PAX3: variants seen among roughly 807,000 people sequenced by gnomAD.
The protein encoded by PAX3 is paired box protein Pax-3.
In PAX3, 14 loss-of-function variants were observed where a neutral mutation model predicts 51.6. The ratio of observed to expected loss-of-function variants is 0.27; its 90% confidence interval spans 0.18 to 0.42. The LOEUF (loss-of-function observed/expected upper bound fraction) is 0.42, where lower values mean the gene tolerates loss of function less well. PAX3 is among the 10% of genes least tolerant of loss of function. PAX3 has a pLI of 1.00. For synonymous variants in PAX3, 280 were observed against 253.4 expected (o/e 1.11, Z -1.00); for missense variants, 540 against 642.8 (o/e 0.84, Z 1.73).
chr2:222,230,333 G>A (rs947806163), intron 5 of PAX3, among the ~76,000 whole-genome samples: 1 of 146,296 alleles, frequency 6.8e-6, no homozygotes, highest in African/African-American at 2.5e-5. Flanking sequence ...AACACTGCAT[G>A]TTCTCACTCA....
At position 222,296,980 on chromosome 2, in the gene PAX3, T is replaced by C; in HGVS notation, c.319A>G (p.Lys107Glu). Residue 107 changes from lysine (K) to glutamate (E), a missense_variant and splice_region_variant, in exon 2 of 9, where the codon AAG becomes GAG. Lys to Glu is a moderately conservative substitution (Grantham distance 56). This residue lies in a region of PAX3 where 50 missense variants were observed against 109.3 expected (regional missense o/e 0.46). Coordinates refer to ENST00000392070, the MANE Select transcript of PAX3 (RefSeq NM_181458.4). Reference protein sequence around the residue: ...RPGAIGGSKPKQVTTPDVEKK... With the variant: ...RPGAIGGSKPEQVTTPDVEKK... ...GAGGGCAAGGCCCGCCCGCTCACCT[T>C]GGGCTTGCTGCCGCCGATGGCACCA... 6.2e-7 allele frequency: 1 copy of C among 1,612,584 alleles called. No individual in the cohort carries two copies. Among genetic ancestry groups the C allele is most frequent in the Non-Finnish European group, 8.5e-7 (1 of 1,179,374 alleles).
At chr2:222,278,060 C>A (rs925793797) in intron 4 of PAX3, among the ~76,000 whole-genome samples, 3 of 151,426 alleles carry the variant, frequency 2.0e-5, no homozygotes, top group Non-Finnish European at 2.9e-5. Flanking sequence ...CAGTGTGGCC[C>A]AAGGAGCCCA....
chr2:222,223,936 A>G (rs755907303), intron 5 of PAX3, among the ~76,000 whole-genome samples: 9 of 152,148 alleles, frequency 5.9e-5, no homozygotes, highest in Admixed American at 1.3e-4. Flanking sequence ...CTCTCCATCA[A>G]TCTCAAGTTA....
chr2:222,207,743 G>A (rs965051018), intron 7 of PAX3, among the ~76,000 whole-genome samples: 11 of 152,032 alleles, frequency 7.2e-5, no homozygotes, highest in Non-Finnish European at 1.5e-4. Context: ...AAGTTTCATA[G>A]CAATATTCTT....
chr2:222,226,191 A>G (rs1220641751), intron 5 of PAX3, among the ~76,000 whole-genome samples: 1 of 152,180 alleles, frequency 6.6e-6, no homozygotes, highest in Admixed American at 6.5e-5. Context: ...AGATTGTAAA[A>G]CGTTTGGTTA....
intron 5 of PAX3, among the ~76,000 whole-genome samples, chr2:222,222,713 T>A (rs60124053): frequency 0.21 from 31,667 of 152,048 alleles, 3,516 homozygotes; most frequent in South Asian, 0.28. Context: ...AGGAAAGCAC[T>A]GTGTTTGGGG....
chr2:222,248,641 T>G (rs1170227842), intron 4 of PAX3, among the ~76,000 whole-genome samples: 1 of 152,188 alleles, frequency 6.6e-6, no homozygotes, highest in Non-Finnish European at 1.5e-5. Context: ...ACTTTTTCAT[T>G]TTAAAGGGTC....
intron 7 of PAX3, among the ~76,000 whole-genome samples, chr2:222,204,979 A>C (rs1691448770): frequency 6.6e-6 from 1 of 152,136 alleles, no homozygotes; most frequent in African/African-American, 2.4e-5. Flanking sequence ...ATCCCCTGCC[A>C]TACATTTTTT....
chr2:222,243,623 G>A (rs1693100767), intron 4 of PAX3, among the ~76,000 whole-genome samples: 1 of 152,142 alleles, frequency 6.6e-6, no homozygotes, highest in Non-Finnish European at 1.5e-5. Flanking sequence ...AGAAACAGAG[G>A]CATAGATTCT....
chr2:222,267,329 T>C (rs1658179658), intron 4 of PAX3, among the ~76,000 whole-genome samples: 1 of 152,218 alleles, frequency 6.6e-6, no homozygotes, highest in Admixed American at 6.5e-5. Flanking sequence ...ACGTCACTGA[T>C]TGTGAGCTAC....
At chr2:222,294,091 T>C in intron 4 of PAX3, 76 bp downstream of exon 4, 1 of 1,603,520 alleles carries the variant, frequency 6.2e-7, no homozygotes. Flanking sequence ...TTGGCTGCCG[T>C]CAGATCACCA....
At chr2:222,277,100 T>A (rs1002689550) in intron 4 of PAX3, among the ~76,000 whole-genome samples, 1 of 152,148 alleles carries the variant, frequency 6.6e-6, no homozygotes, top group African/African-American at 2.4e-5. Flanking sequence ...CAAGGGTAGA[T>A]GCGGTTTTGT....
At chr2:222,293,956 AC>A in intron 4 of PAX3, 1 of 1,526,282 alleles carries the variant, frequency 6.6e-7, no homozygotes, top group East Asian at 2.4e-5. Context: ...GATTTACAAA[AC>A]AGAAAAACTA....
At chr2:222,232,369 A>AGTCGG in intron 4 of PAX3, 86 bp from the exon 5 acceptor site, 1 of 1,162,450 alleles carries the variant, frequency 8.6e-7, no homozygotes, top group Non-Finnish European at 1.3e-6. Context: ...CTCCGACTGC[A>AGTCGG]AGACACCATT....
intron 4 of PAX3, among the ~76,000 whole-genome samples, chr2:222,277,675 C>A (rs1280676334): frequency 6.6e-6 from 1 of 152,160 alleles, no homozygotes; most frequent in Non-Finnish European, 1.5e-5. Flanking sequence ...GTGGCTCACA[C>A]CTGTAACCCC....
At chr2:222,295,739 G>A in intron 2 of PAX3, 82 bp from the exon 3 acceptor site, 6 of 1,491,148 alleles carry the variant, frequency 4.0e-6, no homozygotes, top group Admixed American at 1.7e-5. Flanking sequence ...TGGGCCTGTC[G>A]GGATGCTCCT....
chr2:222,297,498 C>T (rs150165113), intron 1 of PAX3, among the ~76,000 whole-genome samples: 290 of 152,316 alleles, frequency 1.9e-3, no homozygotes, highest in African/African-American at 6.8e-3. Context: ...GGAGTGGCAA[C>T]TTAGGAGACC....
intron 4 of PAX3, among the ~76,000 whole-genome samples, chr2:222,281,707 T>C (rs1391279366): frequency 6.6e-6 from 1 of 152,212 alleles, no homozygotes; most frequent in African/African-American, 2.4e-5. Context: ...CTTTTACAGG[T>C]AGTAATCAGA....
chr2:222,266,176 C>T (rs1694049410), intron 4 of PAX3, among the ~76,000 whole-genome samples: 1 of 152,196 alleles, frequency 6.6e-6, no homozygotes, highest in Non-Finnish European at 1.5e-5. Flanking sequence ...TGATTGCATC[C>T]TGGTTTCCCC....
Sources: gnomAD v4.1 joint callset for allele counts (sites outside exome capture counted in the v4.1 genomes callset) on GRCh38, gnomAD v4.1.1 for gene constraint, gnomAD v4.1.1 regional missense constraint, MANE v1.5 for transcripts, NCBI Gene and HGNC (gene_info 2026-07-23, HGNC 2026-07-21) for gene names.